CSMD1: variants seen among roughly 807,000 people sequenced by gnomAD.
CSMD1 encodes the protein CUB and Sushi multiple domains 1, also known as CUB and sushi domain-containing protein 1.
Under a neutral mutation model 417.5 loss-of-function variants are expected in CSMD1, and 213 were observed. The observed-to-expected ratio is 0.51, with a 90% CI of 0.46 to 0.57. CSMD1 has a LOEUF of 0.57. Among genes scored for constraint, CSMD1 ranks in the 20% least tolerant of loss-of-function variants. The pLI is 0.00. For missense variants in CSMD1, 6,923 were observed against 4,529.7 expected (o/e 1.53, Z -15.17); for synonymous variants, 2,862 against 1,736.8 (o/e 1.65, Z -16.11).
intron 12 of CSMD1, among the ~76,000 whole-genome samples, chr8:3,439,715 G>C (rs1358036574): frequency 6.6e-6 from 1 of 152,002 alleles, no homozygotes; most frequent in Admixed American, 6.6e-5. Context: ...TGGGGGACAA[G>C]TCTAAGAAAT....
intron 2 of CSMD1, among the ~76,000 whole-genome samples, chr8:4,445,901 G>T (rs187895710): frequency 3.9e-4 from 59 of 152,310 alleles, no homozygotes; most frequent in African/African-American, 1.4e-3. Flanking sequence ...GAGCACGGAT[G>T]CAGGGACGTG....
intron 5 of CSMD1, among the ~76,000 whole-genome samples, chr8:3,760,859 C>G (rs999573702): frequency 6.6e-6 from 1 of 152,180 alleles, no homozygotes; most frequent in Non-Finnish European, 1.5e-5. Flanking sequence ...TTTAAATGAT[C>G]TCTGCCCACA....
chr8:4,449,956 TC>T (rs1799037201), intron 2 of CSMD1, among the ~76,000 whole-genome samples: 1 of 152,180 alleles, frequency 6.6e-6, no homozygotes, highest in Non-Finnish European at 1.5e-5. Flanking sequence ...TTGCTCTTTT[TC>T]TTGTTTTTCC....
At chr8:3,726,708 C>A (rs952688491) in intron 6 of CSMD1, among the ~76,000 whole-genome samples, 1 of 152,038 alleles carries the variant, frequency 6.6e-6, no homozygotes, top group Non-Finnish European at 1.5e-5. Context: ...TGTATATTTA[C>A]CTATGGGCCC....
intron 3 of CSMD1, among the ~76,000 whole-genome samples, chr8:4,078,806 C>A (rs1200282453): frequency 1.3e-5 from 2 of 148,690 alleles, no homozygotes; most frequent in Non-Finnish European, 3.0e-5. Flanking sequence ...GAGGCCAAGG[C>A]AGGTAGATTA....
intron 1 of CSMD1, among the ~76,000 whole-genome samples, chr8:4,966,064 C>G (rs556708085): frequency 1.3e-5 from 2 of 151,810 alleles, no homozygotes; most frequent in Non-Finnish European, 2.9e-5. Context: ...TACCAATACT[C>G]GAATTGAAAG....
At chr8:3,316,074 G>C (rs1805732486) in intron 23 of CSMD1, among the ~76,000 whole-genome samples, 1 of 152,152 alleles carries the variant, frequency 6.6e-6, no homozygotes. Flanking sequence ...TTAAAACTCA[G>C]AGTGGGGGAA....
chr8:3,562,658 T>C (rs1055388919), intron 10 of CSMD1, among the ~76,000 whole-genome samples: 3 of 151,978 alleles, frequency 2.0e-5, no homozygotes, highest in African/African-American at 4.8e-5. Flanking sequence ...AAACAATTTA[T>C]CCACTGGGAA....
intron 25 of CSMD1, among the ~76,000 whole-genome samples, chr8:3,285,776 C>G (rs910511178): frequency 1.6e-4 from 25 of 151,872 alleles, no homozygotes; most frequent in Admixed American, 1.5e-3. Flanking sequence ...TTGGTTCTTT[C>G]TCTTATCACA....
At chr8:4,382,781 A>G (rs143278206) in intron 3 of CSMD1, among the ~76,000 whole-genome samples, 131 of 152,358 alleles carry the variant, frequency 8.6e-4, no homozygotes, top group African/African-American at 3.0e-3. Flanking sequence ...ACAAAATAAT[A>G]ATGATGGCCC....
intron 3 of CSMD1, among the ~76,000 whole-genome samples, chr8:4,202,135 A>T (rs1799691428): frequency 1.3e-5 from 2 of 152,034 alleles, no homozygotes; most frequent in Non-Finnish European, 2.9e-5. Context: ...AACATCTTTC[A>T]ATCAGCCATT....
intron 2 of CSMD1, among the ~76,000 whole-genome samples, chr8:4,533,714 G>C (rs1414367597): frequency 6.6e-6 from 1 of 151,918 alleles, no homozygotes; most frequent in Non-Finnish European, 1.5e-5. Context: ...GACTCACAGA[G>C]AGAAAAACCT....
At chr8:4,735,349 A>T (rs1563250869) in intron 1 of CSMD1, among the ~76,000 whole-genome samples, 1 of 152,138 alleles carries the variant, frequency 6.6e-6, no homozygotes, top group Non-Finnish European at 1.5e-5. Flanking sequence ...CTAAACCTGG[A>T]TTTTCTGTTG....
intron 2 of CSMD1, among the ~76,000 whole-genome samples, chr8:4,535,213 C>T (rs1338495504): frequency 1.3e-5 from 2 of 152,052 alleles, no homozygotes; most frequent in East Asian, 1.9e-4. Flanking sequence ...ATATCAATAA[C>T]ATAGTCAATA....
intron 1 of CSMD1, among the ~76,000 whole-genome samples, chr8:4,846,273 A>T (rs776780701): frequency 6.6e-6 from 1 of 152,244 alleles, no homozygotes; most frequent in Non-Finnish European, 1.5e-5. Flanking sequence ...GTGTGAAGTA[A>T]GATCTTTAAC....
chr8:4,209,899 G>A (rs996485004), intron 3 of CSMD1, among the ~76,000 whole-genome samples: 2 of 152,152 alleles, frequency 1.3e-5, no homozygotes, highest in African/African-American at 2.4e-5. Flanking sequence ...GTGTTGACAG[G>A]TGGTCTCCAT....
intron 33 of CSMD1, among the ~76,000 whole-genome samples, chr8:3,196,661 G>T (rs770997537): frequency 2.6e-5 from 4 of 152,114 alleles, no homozygotes; most frequent in Admixed American, 2.0e-4. Flanking sequence ...GATTCAGAGG[G>T]GGGTGAAAGG....
At chr8:4,511,796 C>T (rs73496678) in intron 2 of CSMD1, among the ~76,000 whole-genome samples, 1,907 of 152,248 alleles carry the variant, frequency 0.013, 52 homozygotes, top group African/African-American at 0.044. Context: ...ACTCAATCAT[C>T]AGGGGTCTAC....
chr8:4,013,408 C>T (rs376103638), intron 4 of CSMD1, among the ~76,000 whole-genome samples: 6 of 152,090 alleles, frequency 3.9e-5, no homozygotes, highest in African/African-American at 1.4e-4. Context: ...CACTCTGTCC[C>T]GTTCATTAGA....
Sources: gnomAD v4.1 joint callset for allele counts (sites outside exome capture counted in the v4.1 genomes callset) on GRCh38, gnomAD v4.1.1 for gene constraint, MANE v1.5 for transcripts, NCBI Gene and HGNC (gene_info 2026-07-23, HGNC 2026-07-21) for gene names.